Variants in R3HDM1 observed in about 807,000 individuals in gnomAD.
The protein encoded by R3HDM1 is R3H domain containing 1, also known as R3H domain-containing protein 1.
A neutral mutation model predicts 141.1 loss-of-function variants in R3HDM1; 46 were observed. The ratio of observed to expected loss-of-function variants is 0.33; its 90% CI spans 0.26 to 0.42. The LOEUF (loss-of-function observed/expected upper bound fraction) is 0.42. Among genes scored for constraint, R3HDM1 ranks in the 10% least tolerant of loss-of-function variants. R3HDM1 has a pLI of 1.00. For synonymous variants in R3HDM1, 435 were observed against 472.9 expected (o/e 0.92, Z 1.04); for missense variants, 1,184 against 1,368.3 (o/e 0.87, Z 2.12).
At chr2:135,606,698 G>A (rs1424111948) in intron 3 of R3HDM1, 1 of 143,730 alleles carries the variant, frequency 7.0e-6, no homozygotes, top group African/African-American at 2.6e-5. Flanking sequence ...AGAGGTTACA[G>A]TGAGCCAAGA....
intron 21 of R3HDM1, among the ~76,000 whole-genome samples, chr2:135,690,299 A>G (rs1312322114): frequency 1.3e-5 from 2 of 152,152 alleles, no homozygotes; most frequent in Admixed American, 6.5e-5. Flanking sequence ...GTCGATCTGA[A>G]CTATATCTTT....
chr2:135,556,521 C>A (rs1195036884), intron 1 of R3HDM1, among the ~76,000 whole-genome samples: 1 of 141,260 alleles, frequency 7.1e-6, no homozygotes, highest in Non-Finnish European at 1.6e-5. Flanking sequence ...CTATGTCAGA[C>A]TTTTTTTTTT....
At chr2:135,566,665 C>A in intron 1 of R3HDM1, 1 of 823,668 alleles carries the variant, frequency 1.2e-6, no homozygotes, top group Non-Finnish European at 1.5e-6. Context: ...AAAATCCAAA[C>A]TATTAATTAG....
intron 6 of R3HDM1, 104 bp downstream of exon 6, chr2:135,621,712 C>T: frequency 7.4e-7 from 1 of 1,353,306 alleles, no homozygotes; most frequent in Non-Finnish European, 9.6e-7. Flanking sequence ...TGTAAAATGA[C>T]ACAGAACAGA....
intron 3 of R3HDM1, among the ~76,000 whole-genome samples, chr2:135,607,033 G>A (rs2060135980): frequency 1.3e-5 from 2 of 151,880 alleles, no homozygotes; most frequent in South Asian, 4.2e-4. Flanking sequence ...TCTGTCACCA[G>A]GCTGGAGTGT....
At position 135,639,867 on chromosome 2, in the gene R3HDM1, C is replaced by A. The variant is rs1276479674; in HGVS notation, c.1219+745C>A. Among the ~76,000 whole-genome samples the A allele has an allele frequency of 1.5e-4, 23 of 152,138 alleles. 1 individual carries two copies. ...ATCCCAACACTTTGGGATGCCGAGG[C>A]AGGCAGATCACCTGAGGTCAGGAGT... is the stretch of plus-strand genomic sequence containing the variant. On this transcript the variant is annotated intron_variant, in intron 14 of 26. Coordinates refer to ENST00000683871, the MANE Select transcript of R3HDM1 (RefSeq NM_001378107.1).
chr2:135,538,829 G>C (rs1264474801), intron 1 of R3HDM1, among the ~76,000 whole-genome samples: 1 of 152,140 alleles, frequency 6.6e-6, no homozygotes, highest in Non-Finnish European at 1.5e-5. Flanking sequence ...GGCCAGGCTG[G>C]TCTTGAACTC....
At chr2:135,558,945 A>T (rs1701265738) in intron 1 of R3HDM1, 3 of 887,588 alleles carry the variant, frequency 3.4e-6, no homozygotes, top group Non-Finnish European at 4.0e-6. Context: ...AATGTAATTT[A>T]AAAAGTTTAA....
intron 1 of R3HDM1, chr2:135,568,759 G>A (rs948064550): frequency 1.3e-5 from 2 of 152,106 alleles, no homozygotes; most frequent in African/African-American, 4.8e-5. Context: ...TATTCATAGG[G>A]CGTATTGGTG....
rs954514246 is a variant in R3HDM1, at chr2:135,724,335, C to A, written c.*43C>A. On this transcript the variant is annotated 3_prime_UTR_variant, in exon 27 of 27. Coordinates refer to ENST00000683871, the MANE Select transcript of R3HDM1 (RefSeq NM_001378107.1). Reference sequence around the variant, plus strand: ...TTCGCCTTTATGGTTCCCCTGCCCTCTCCCATCTTTGATTGGCTTGGTATT... The same window carrying A: ...TTCGCCTTTATGGTTCCCCTGCCCTATCCCATCTTTGATTGGCTTGGTATT... The A allele has an allele frequency of 1.4e-6, 2 of 1,414,050 alleles. No homozygotes were observed. The highest frequency in any genetic ancestry group is 1.9e-6 in the Non-Finnish European group (2 of 1,031,006). The allele number at this position is 1,414,050 out of a possible 1,614,324, so 87.6% of individuals were successfully genotyped here. A position where few individuals can be genotyped will look rare whatever the true frequency, so the allele number is the denominator to read the frequency against.
At chr2:135,615,484 A>C (rs2060938920) in intron 3 of R3HDM1, among the ~76,000 whole-genome samples, 1 of 152,132 alleles carries the variant, frequency 6.6e-6, no homozygotes, top group Non-Finnish European at 1.5e-5. Context: ...TTGTATCACA[A>C]ACTTGAGTTA....
chr2:135,630,365 G>A (rs2062589680), intron 7 of R3HDM1, among the ~76,000 whole-genome samples: 1 of 150,556 alleles, frequency 6.6e-6, no homozygotes, highest in Admixed American at 6.6e-5. Flanking sequence ...AGAAGGTGGT[G>A]CCAGTTACTG....
At chr2:135,698,731 C>A in intron 21 of R3HDM1, among the ~76,000 whole-genome samples, 1 of 151,982 alleles carries the variant, frequency 6.6e-6, no homozygotes, top group East Asian at 1.9e-4. Flanking sequence ...TGGCAGAAGG[C>A]AAGAGGGAAG....
At chr2:135,674,704 T>G (rs1253433328) in intron 19 of R3HDM1, among the ~76,000 whole-genome samples, 1 of 152,228 alleles carries the variant, frequency 6.6e-6, no homozygotes, top group Non-Finnish European at 1.5e-5. Context: ...CTTGAGTTGT[T>G]TAATGATTTG....
At chr2:135,651,607 T>A (rs1050355830) in intron 17 of R3HDM1, 123 bp from the exon 18 acceptor site, 5 of 1,332,000 alleles carry the variant, frequency 3.8e-6, no homozygotes, top group Middle Eastern at 2.5e-4. Context: ...TTGCTGTTGT[T>A]GATATATATA....
chr2:135,531,532 G>A lies in R3HDM1; in HGVS notation c.-351G>A. On this transcript the variant is annotated 5_prime_UTR_variant, in exon 1 of 27. The change abolishes an upstream ATG in the 5' untranslated region. Transcript: ENST00000683871. ...TGGAGCCGGTGTCCGGGCTGGTGATGGGGTTAATTCCCTTTCGTAAGACTC... is the reference window on the plus strand; with the variant it reads ...TGGAGCCGGTGTCCGGGCTGGTGATAGGGTTAATTCCCTTTCGTAAGACTC... The A allele has an allele frequency of 2.0e-6, 2 of 985,778 alleles. No homozygotes were observed. Among genetic ancestry groups the A allele is most frequent in the African/African-American group, 1.7e-5 (1 of 57,292 alleles). 61.1% of individuals were successfully genotyped at this position (985,778 alleles called of 1,614,324 possible). A position where few individuals can be genotyped will look rare whatever the true frequency, so the allele number is the denominator to read the frequency against.
At chr2:135,628,210 T>C (rs2062246944) in intron 7 of R3HDM1, among the ~76,000 whole-genome samples, 1 of 152,192 alleles carries the variant, frequency 6.6e-6, no homozygotes, top group African/African-American at 2.4e-5. Flanking sequence ...TATAAAAATA[T>C]CTAACCTCAA....
At chr2:135,611,435 A>G (rs759399839) in intron 3 of R3HDM1, among the ~76,000 whole-genome samples, 21 of 152,188 alleles carry the variant, frequency 1.4e-4, no homozygotes, top group Admixed American at 6.5e-5. Flanking sequence ...TACCTAGTAC[A>G]TAGAGCCTAG....
chr2:135,598,846 T>C (rs1039684985), intron 1 of R3HDM1, among the ~76,000 whole-genome samples: 4 of 152,208 alleles, frequency 2.6e-5, no homozygotes, highest in Non-Finnish European at 5.9e-5. Flanking sequence ...TTTTCTTTCC[T>C]TTGATTTATA....
Sources: gnomAD v4.1 joint callset for allele counts (sites outside exome capture counted in the v4.1 genomes callset) on GRCh38, gnomAD v4.1.1 for gene constraint, MANE v1.5 for transcripts, NCBI Gene and HGNC (gene_info 2026-07-23, HGNC 2026-07-21) for gene names.